Variants in CSMD1 observed in about 807,000 individuals in gnomAD.
CSMD1 encodes the protein CUB and Sushi multiple domains 1.
Under a neutral mutation model 417.5 loss-of-function variants are expected in CSMD1, and 213 were observed. The ratio of observed to expected loss-of-function variants is 0.51; its 90% CI spans 0.46 to 0.57. The LOEUF (loss-of-function observed/expected upper bound fraction) is 0.57, where lower values mean the gene tolerates loss of function less well. Among genes scored for constraint, CSMD1 ranks in the 20% least tolerant of loss-of-function variants. The pLI is 0.00. For missense variants in CSMD1, 6,923 were observed against 4,529.7 expected, an observed-to-expected ratio of 1.53 and a Z score of -15.17; for synonymous variants, 2,862 against 1,736.8, an observed-to-expected ratio of 1.65 and a Z score of -16.11.
In CSMD1 at chr8:4,040,613, C is replaced by G. The variant is rs569085373; in HGVS notation, c.416-8514G>C. Among the ~76,000 whole-genome samples the G allele has an allele frequency of 1.4e-4, 21 of 152,250 alleles. 1 individual carries two copies. In the South Asian group the frequency reaches 3.3e-3, roughly 24 times the overall value. ...AACATGCATATATGGATTGGGGAGA[C>G]TTACGATGTTTTCTTAGGTAGAATG... is the stretch of plus-strand genomic sequence containing the variant. On this transcript the variant is annotated intron_variant, in intron 3 of 69. Coordinates refer to ENST00000635120, the MANE Select transcript of CSMD1 (RefSeq NM_033225.6).
At position 3,908,254 on chromosome 8, in the gene CSMD1, A is replaced by C. The variant is rs191295546; in HGVS notation, c.818+89649T>G. Among the ~76,000 whole-genome samples the C allele has an allele frequency of 1.0e-3, 85 of 84,954 alleles. 1 individual carries two copies. In the South Asian group the frequency reaches 0.012, roughly 12 times the overall value. The allele number at this position is 84,954 out of a possible 152,430, so 55.7% of individuals were successfully genotyped here. A position where few individuals can be genotyped will look rare whatever the true frequency, so the allele number is the denominator to read the frequency against. On this transcript the variant is annotated intron_variant, in intron 5 of 69. Coordinates refer to ENST00000635120, the MANE Select transcript of CSMD1 (RefSeq NM_033225.6). The stretch of plus-strand genomic sequence containing the variant: ...CATAACAATTTTAGGAGATATGAGA[A>C]AGCTGAGTCAGGTTCATCAAGAAAT...
At chr8:4,957,402 G>A (rs533538491) in intron 1 of CSMD1, among the ~76,000 whole-genome samples, 58 of 152,136 alleles carry the variant, frequency 3.8e-4, no homozygotes, top group Non-Finnish European at 6.2e-4. Context: ...ACAAATCTAC[G>A]GGCACTATGG....
At chr8:4,805,205 A>T (rs1314535766) in intron 1 of CSMD1, among the ~76,000 whole-genome samples, 1 of 152,218 alleles carries the variant, frequency 6.6e-6, no homozygotes, top group Non-Finnish European at 1.5e-5. Flanking sequence ...ATCTGCGATA[A>T]TCATAGTCCT....
intron 4 of CSMD1, among the ~76,000 whole-genome samples, chr8:4,022,952 C>A (rs1796864251): frequency 6.6e-6 from 1 of 152,150 alleles, no homozygotes; most frequent in Non-Finnish European, 1.5e-5. Context: ...AAGGATAATT[C>A]AAAATTTGAG....
intron 10 of CSMD1, among the ~76,000 whole-genome samples, chr8:3,544,662 G>A (rs879691766): frequency 1.3e-5 from 2 of 152,146 alleles, no homozygotes; most frequent in Non-Finnish European, 2.9e-5. Flanking sequence ...GGCCACCACT[G>A]CAGACTTGCC....
At chr8:4,216,325 C>T (rs73184144) in intron 3 of CSMD1, among the ~76,000 whole-genome samples, 5 of 152,238 alleles carry the variant, frequency 3.3e-5, no homozygotes, top group East Asian at 1.9e-4. Context: ...TCAGTAACTG[C>T]AGGGATGCTT....
intron 3 of CSMD1, among the ~76,000 whole-genome samples, chr8:4,120,668 T>A (rs1237301041): frequency 6.6e-6 from 1 of 152,244 alleles, no homozygotes; most frequent in Non-Finnish European, 1.5e-5. Flanking sequence ...ATCACGTGAC[T>A]TTTAAAGAAG....
rs527484659 is a variant in CSMD1, at chr8:3,472,406, G to A, written c.1449-3582C>T. ...ATTTTGTCACATTTTTACCCAGCCT[G>A]GACAACATGATTGGTACTCTGCTAT... On this transcript the variant is annotated intron_variant, in intron 11 of 69. Transcript: ENST00000635120. Among the ~76,000 whole-genome samples, 7 of 152,070 alleles carry A rather than the reference G, an allele frequency of 4.6e-5. No individual in the cohort carries two copies. The South Asian group carries it at 1.3e-3, about 27-fold the overall frequency.
At chr8:3,479,406 A>T (rs1000618883) in intron 11 of CSMD1, among the ~76,000 whole-genome samples, 3 of 152,054 alleles carry the variant, frequency 2.0e-5, no homozygotes, top group African/African-American at 7.2e-5. Context: ...TCAGCCTCCC[A>T]AGTGGCTGGG....
chr8:4,119,991 T>G (rs988131901), intron 3 of CSMD1, among the ~76,000 whole-genome samples: 1 of 152,162 alleles, frequency 6.6e-6, no homozygotes, highest in African/African-American at 2.4e-5. Context: ...ACCTAGTATT[T>G]GATAGCACAA....
chr8:3,479,470 G>T (rs1000661044), intron 11 of CSMD1, among the ~76,000 whole-genome samples: 11 of 152,022 alleles, frequency 7.2e-5, no homozygotes, highest in African/African-American at 2.7e-4. Context: ...AGTACATATG[G>T]GGTTTCTCCG....
Position 3,494,563 on chromosome 8 carries a change from G to GGT in CSMD1, c.1345-838_1345-837insAC, listed in dbSNP as rs1563091998. 3.3e-3 allele frequency among the ~76,000 whole-genome samples: 152 copies of GGT among 45,488 alleles called. 1 individual carries two copies. The highest frequency in any genetic ancestry group is 0.01 in the African/African-American group (141 of 13,948). The allele number at this position is 45,488 out of a possible 152,430, so 29.8% of individuals were successfully genotyped here. A position where few individuals can be genotyped will look rare whatever the true frequency, so the allele number is the denominator to read the frequency against. On this transcript the variant is annotated intron_variant, in intron 10 of 69. Transcript: ENST00000635120. ...ATACAGACAGATTAGATGATAGATA[G>GGT]ATAGATAGATAGATAGATAGATAGA...
At chr8:3,670,093 AAGGATGCAAAGTGTTGATCC>A (rs1798909145) in intron 7 of CSMD1, among the ~76,000 whole-genome samples, 1 of 152,114 alleles carries the variant, frequency 6.6e-6, no homozygotes, top group South Asian at 2.1e-4. Flanking sequence ...GATTGGATTA[AAGGATGCAAAGTGTTGATCC>A]TGGGTGTGTC....
At chr8:4,631,064 G>T (rs1802480494) in intron 2 of CSMD1, among the ~76,000 whole-genome samples, 2 of 152,246 alleles carry the variant, frequency 1.3e-5, no homozygotes, top group African/African-American at 4.8e-5. Flanking sequence ...CACTAGCCAA[G>T]CTAAAAATAA....
chr8:3,796,764 T>C (rs1800177952), intron 5 of CSMD1, among the ~76,000 whole-genome samples: 1 of 151,250 alleles, frequency 6.6e-6, no homozygotes, highest in Non-Finnish European at 1.5e-5. Flanking sequence ...ATACAAAATA[T>C]TCTGATCATC....
intron 3 of CSMD1, among the ~76,000 whole-genome samples, chr8:4,234,638 G>T (rs953122417): frequency 6.6e-6 from 1 of 152,174 alleles, no homozygotes; most frequent in African/African-American, 2.4e-5. Context: ...GGACATGGAA[G>T]ATTGCACCTG....
intron 5 of CSMD1, among the ~76,000 whole-genome samples, chr8:3,988,647 G>T (rs182865764): frequency 2.0e-5 from 3 of 152,120 alleles, no homozygotes; most frequent in African/African-American, 7.2e-5. Context: ...TATGTACTTC[G>T]GTCAAAATTC....
intron 26 of CSMD1, among the ~76,000 whole-genome samples, chr8:3,257,420 G>T (rs1264427972): frequency 1.3e-5 from 2 of 152,202 alleles, no homozygotes; most frequent in African/African-American, 2.4e-5. Flanking sequence ...CCTTGTGGAG[G>T]TTAGATTCTC....
chr8:4,154,174 C>G (rs914624266), intron 3 of CSMD1, among the ~76,000 whole-genome samples: 3 of 152,118 alleles, frequency 2.0e-5, no homozygotes, highest in Admixed American at 1.3e-4. Flanking sequence ...GATAGGAGAT[C>G]TATAACCTTA....
Sources: allele counts gnomAD v4.1 joint callset (sites outside exome capture counted in the v4.1 genomes callset), GRCh38; gene constraint gnomAD v4.1.1; transcripts MANE v1.5; gene names NCBI Gene and HGNC (gene_info 2026-07-23, HGNC 2026-07-21).